HADHB: variants seen among roughly 807,000 people sequenced by gnomAD.
HADHB encodes the protein hydroxyacyl-CoA dehydrogenase trifunctional multienzyme complex subunit beta.
In HADHB, 50 loss-of-function variants were observed where a neutral mutation model predicts 61.9. The ratio of observed to expected loss-of-function variants is 0.81; its 90% CI spans 0.64 to 1.02. The LOEUF is 1.02. Among genes scored for constraint, HADHB ranks in the 50% least tolerant of loss-of-function variants. HADHB has a pLI of 0.00. For synonymous variants in HADHB, 191 were observed against 201.6 expected (o/e 0.95, Z 0.45); for missense variants, 504 against 586.5 (o/e 0.86, Z 1.45).
intron 6 of HADHB, among the ~76,000 whole-genome samples, chr2:26,274,858 TCTC>T (rs1189656927): frequency 6.6e-6 from 1 of 152,010 alleles, no homozygotes; most frequent in African/African-American, 2.4e-5. Context: ...CTTTCTTCCT[TCTC>T]CTCCTCCTCA....
At position 26,277,170 on chromosome 2, in the gene HADHB, A is replaced by G; in HGVS notation, c.442+10A>G. ...CAAGCCATGACCACAGGTATGTTTA[A>G]ATGGAAACAGACAGTACATGTTAAT... On this transcript the variant is annotated intron_variant, in intron 7 of 15. Transcript: ENST00000317799. 1 of 1,291,790 alleles carries G rather than the reference A, an allele frequency of 7.7e-7. No individual in the cohort carries two copies. Among genetic ancestry groups the G allele is most frequent in the South Asian group, 1.2e-5 (1 of 84,584 alleles). The allele number at this position is 1,291,790 out of a possible 1,614,324, so 80.0% of individuals were successfully genotyped here.
chr2:26,259,129 G>T (rs573939258), intron 3 of HADHB, among the ~76,000 whole-genome samples: 1 of 152,150 alleles, frequency 6.6e-6, no homozygotes, highest in South Asian at 2.1e-4. Flanking sequence ...CTTACTGCAC[G>T]GTCACTTCAC....
intron 15 of HADHB, 136 bp from the exon 16 acceptor site, chr2:26,289,782 C>G: frequency 2.6e-6 from 2 of 764,616 alleles, no homozygotes; most frequent in South Asian, 2.8e-5. Context: ...CAAACTTTCC[C>G]AAGATCACAG....
rs1375427320 is a variant in HADHB at position 26,269,957 on chromosome 2, A to G, written c.214A>G (p.Lys72Glu). The G allele has an allele frequency of 1.4e-5, 23 of 1,605,972 alleles. No individual in the cohort carries two copies. Among genetic ancestry groups the G allele is most frequent in the Non-Finnish European group, 1.9e-5 (22 of 1,172,672 alleles). The stretch of plus-strand genomic sequence containing the variant: ...TTACTGGTTTTCGTTCCCCAGATAT[A>G]AAGACCTGATGCCACATGATTTGGC... Reference protein sequence around the residue: ...TPFLLSGTSYKDLMPHDLARA... With the variant: ...TPFLLSGTSYEDLMPHDLARA... The change falls in exon 5 of 16, where the codon AAA becomes GAA. Residue 72 changes from lysine (K) to glutamate (E), a missense_variant. Physicochemically the swap from Lys to Glu is moderately conservative, Grantham distance 56. Coordinates refer to ENST00000317799, the MANE Select transcript of HADHB (RefSeq NM_000183.3).
In HADHB at chr2:26,280,007, T is replaced by C. The variant is rs1056389; in HGVS notation, c.825T>C (p.Val275=). The part of the protein sequence containing the change: ...VPFKVPGKDT[V]TKDNGIRPSS... ...TTTTTTTAATAGGAAAAGATACAGTTACCAAAGATAATGGCATCCGTCCTT... is the reference window on the plus strand; with the variant it reads ...TTTTTTTAATAGGAAAAGATACAGTCACCAAAGATAATGGCATCCGTCCTT... Residue 275 remains valine (V), a synonymous_variant, in exon 10 of 16, where the codon GTT becomes GTC. Coordinates refer to ENST00000317799, the MANE Select transcript of HADHB (RefSeq NM_000183.3). The C allele has an allele frequency of 0.2, 322,973 of 1,605,278 alleles. 34,644 individuals are homozygous for C. The highest frequency in any genetic ancestry group is 0.25 in the Middle Eastern group (1,164 of 4,606).
chr2:26,270,585 CAAGCAT>C (rs893927865), intron 5 of HADHB, among the ~76,000 whole-genome samples: 3 of 152,158 alleles, frequency 2.0e-5, no homozygotes, highest in African/African-American at 7.2e-5. Context: ...TGCAATACCT[CAAGCAT>C]GAGTGAAAGA....
chr2:26,275,866 A>C (rs1672517106), intron 6 of HADHB, among the ~76,000 whole-genome samples: 1 of 152,124 alleles, frequency 6.6e-6, no homozygotes, highest in African/African-American at 2.4e-5. Flanking sequence ...TTGAATTTCT[A>C]ATTGAGACTT....
At position 26,290,120 on chromosome 2, in the gene HADHB, C is replaced by T. The variant is rs1431970119; in HGVS notation, c.*167C>T. 1 of 679,830 alleles carries T rather than the reference C, an allele frequency of 1.5e-6. No individual in the cohort carries two copies. The highest frequency in any genetic ancestry group is 1.8e-5 in the African/African-American group (1 of 56,174). 42.1% of individuals were successfully genotyped at this position (679,830 alleles called of 1,614,324 possible). Reference sequence around the variant, plus strand: ...ACTTAAGCCTTGCCAGTGTTCTGAGCTTTTCAATAATCAGTTTACTGCTCT... The same window carrying T: ...ACTTAAGCCTTGCCAGTGTTCTGAGTTTTTCAATAATCAGTTTACTGCTCT... On this transcript the variant is annotated 3_prime_UTR_variant, in exon 16 of 16. Coordinates refer to ENST00000317799, the MANE Select transcript of HADHB (RefSeq NM_000183.3).
At chr2:26,261,022 T>C (rs1377663544) in intron 3 of HADHB, 2 of 1,524,558 alleles carry the variant, frequency 1.3e-6, no homozygotes, top group South Asian at 2.4e-5. Flanking sequence ...TGTAGGTAGA[T>C]GACACTGGTT....
chr2:26,245,259 TGG>T (rs201210396), intron 1 of HADHB: 2 of 169,116 alleles, frequency 1.2e-5, no homozygotes, highest in Non-Finnish European at 2.6e-5. Context: ...TCTGGGGGTG[TGG>T]GGGTGTGTGT....
intron 5 of HADHB, among the ~76,000 whole-genome samples, chr2:26,273,445 A>G (rs947359880): frequency 6.6e-6 from 1 of 152,182 alleles, no homozygotes; most frequent in Non-Finnish European, 1.5e-5. Context: ...CCAATTCAGC[A>G]TCAAATGTTG....
chr2:26,283,164 A>G, intron 12 of HADHB, 113 bp downstream of exon 12: 3 of 798,588 alleles, frequency 3.8e-6, no homozygotes, highest in Non-Finnish European at 6.6e-6. Context: ...TGTTTATTAC[A>G]CTGGTTTGAG....
At chr2:26,246,294 G>C (rs1248540495) in intron 1 of HADHB, among the ~76,000 whole-genome samples, 2 of 151,904 alleles carry the variant, frequency 1.3e-5, no homozygotes, top group Non-Finnish European at 2.9e-5. Context: ...GGATTTGCAG[G>C]ATCACTTTGG....
At position 26,284,126 on chromosome 2, in the gene HADHB, T is replaced by C. The variant is rs778650882; in HGVS notation, c.1071T>C (p.Tyr357=). Residue 357 remains tyrosine, a synonymous_variant, in exon 13 of 16, where the codon TAT becomes TAC. Coordinates refer to ENST00000317799, the MANE Select transcript of HADHB (RefSeq NM_000183.3). ...PKDQLLLGPT[Y]ATPKVLEKAG... is the part of the protein sequence containing the mutation. ...TATTTTTTCTTTGCAGACCAACATA[T>C]GCTACTCCAAAAGTTCTAGAAAAGG... The C allele has an allele frequency of 1.3e-6, 2 of 1,574,394 alleles. No homozygotes were observed. The highest frequency in any genetic ancestry group is 2.2e-5 in the South Asian group (2 of 90,338).
In HADHB at chr2:26,285,329, C is replaced by T. The variant is rs575309717; in HGVS notation, c.1225-78C>T. 8.1e-6 allele frequency: 10 copies of T among 1,238,342 alleles called. No homozygotes were observed. The African/African-American group carries it at 1.0e-4, about 13-fold the overall frequency. The allele number at this position is 1,238,342 out of a possible 1,614,324, so 76.7% of individuals were successfully genotyped here. ...TACGTATTTTCCTCTATCTCTCTTA[C>T]TTCGTAGTACTAAGAGCCTAGCTTG... is the stretch of plus-strand genomic sequence containing the variant. On this transcript the variant is annotated intron_variant, in intron 14 of 15. Transcript: ENST00000317799.
chr2:26,256,611 T>TG (rs1183885871), intron 3 of HADHB, among the ~76,000 whole-genome samples: 1 of 152,200 alleles, frequency 6.6e-6, no homozygotes, highest in Non-Finnish European at 1.5e-5. Context: ...TGATTTTAAT[T>TG]GTTTTTAAAG....
rs767202789 is a variant in HADHB at position 26,279,313 on chromosome 2, C to T, written c.809C>T (p.Pro270Leu). The change falls in exon 9 of 16, where the codon CCA (proline) becomes CTA (leucine). Residue 270 changes from proline to leucine, a missense_variant and splice_region_variant. Pro to Leu is a moderately conservative substitution (Grantham distance 98). Coordinates refer to ENST00000317799, the MANE Select transcript of HADHB (RefSeq NM_000183.3). ...LLSDVVPFKVPGKDTVTKDNG... is the reference protein window; with the variant it reads ...LLSDVVPFKVLGKDTVTKDNG... ...TCTGATGTGGTACCCTTCAAAGTACCAGGTGAAATGAAATGCTTCATGACA... is the reference window on the plus strand; with the variant it reads ...TCTGATGTGGTACCCTTCAAAGTACTAGGTGAAATGAAATGCTTCATGACA... 3.2e-5 allele frequency: 52 copies of T among 1,604,166 alleles called. No individual in the cohort carries two copies. Among genetic ancestry groups the T allele is most frequent in the Non-Finnish European group, 4.3e-5 (50 of 1,171,120 alleles).
intron 14 of HADHB, among the ~76,000 whole-genome samples, 196 bp from the exon 15 acceptor site, chr2:26,285,211 A>T (rs1187424352): frequency 6.6e-6 from 1 of 152,218 alleles, no homozygotes; most frequent in Non-Finnish European, 1.5e-5. Flanking sequence ...TTGCATTCTG[A>T]CATTAGATGA....
At chr2:26,260,874 C>G in intron 3 of HADHB, 1 of 632,666 alleles carries the variant, frequency 1.6e-6, no homozygotes, top group Middle Eastern at 3.7e-4. Flanking sequence ...TTATGGTTTA[C>G]AAACTCTGGC....
Sources: gnomAD v4.1 joint callset for allele counts (sites outside exome capture counted in the v4.1 genomes callset) on GRCh38, gnomAD v4.1.1 for gene constraint, MANE v1.5 for transcripts, NCBI Gene and HGNC (gene_info 2026-07-23, HGNC 2026-07-21) for gene names.